Variants in ME3 observed in about 807,000 individuals in gnomAD.
ME3 encodes the protein NADP-dependent malic enzyme, mitochondrial.
Under a neutral mutation model 68.9 loss-of-function variants are expected in ME3, and 48 were observed. That is an observed-to-expected ratio of 0.70 (90% CI 0.55 to 0.89). ME3 has a LOEUF of 0.89. ME3 is among the 40% of genes least tolerant of loss of function. The pLI is 0.00. For synonymous variants in ME3, 320 were observed against 318.8 expected, an observed-to-expected ratio of 1.00 and a Z score of -0.04; for missense variants, 675 against 797.4, an observed-to-expected ratio of 0.85 and a Z score of 1.85.
intron 4 of ME3, among the ~76,000 whole-genome samples, chr11:86,528,001 A>G (rs904537604): frequency 3.3e-5 from 5 of 152,206 alleles, no homozygotes; most frequent in African/African-American, 1.2e-4. Context: ...ATTCACACAT[A>G]ACAATATCAA....
intron 2 of ME3, among the ~76,000 whole-genome samples, chr11:86,631,548 C>T (rs1415895843): frequency 2.0e-5 from 3 of 152,126 alleles, no homozygotes; most frequent in Non-Finnish European, 2.9e-5. Context: ...AAAAAAAATT[C>T]CTTAGCTCCT....
intron 10 of ME3, 142 bp downstream of exon 10, chr11:86,449,747 C>G (rs1226239452): frequency 9.7e-6 from 6 of 616,450 alleles, no homozygotes; most frequent in East Asian, 5.3e-5. Context: ...TGGGATGAAT[C>G]TTTTGCTTTG....
intron 2 of ME3, among the ~76,000 whole-genome samples, chr11:86,646,070 G>T (rs1400205249): frequency 2.0e-5 from 3 of 152,148 alleles, no homozygotes; most frequent in Non-Finnish European, 4.4e-5. Flanking sequence ...AAAGACCAAA[G>T]GTAGACAAAT....
chr11:86,569,380 A>G (rs1488660841), intron 2 of ME3, among the ~76,000 whole-genome samples: 3 of 151,594 alleles, frequency 2.0e-5, no homozygotes, highest in Non-Finnish European at 4.4e-5. Context: ...CCATTCTCTG[A>G]CCCCTTCCTC....
intron 8 of ME3, 90 bp downstream of exon 8, chr11:86,465,001 G>A (rs1950406111): frequency 1.9e-6 from 2 of 1,039,234 alleles, no homozygotes; most frequent in Non-Finnish European, 3.0e-6. Context: ...ACTATGGGGT[G>A]ACAGCCTTTC....
At chr11:86,582,359 C>T (rs1233268311) in intron 2 of ME3, among the ~76,000 whole-genome samples, 1 of 152,236 alleles carries the variant, frequency 6.6e-6, no homozygotes, top group Non-Finnish European at 1.5e-5. Flanking sequence ...AGCACCTTAG[C>T]TGGTGGGTTA....
intron 5 of ME3, among the ~76,000 whole-genome samples, chr11:86,500,651 A>T (rs535456125): frequency 1.3e-3 from 196 of 152,188 alleles, no homozygotes; most frequent in Non-Finnish European, 2.3e-3. Context: ...TCTGAATCCA[A>T]CAGACCTTCT....
chr11:86,571,424 C>T (rs898138575), intron 2 of ME3, among the ~76,000 whole-genome samples: 39 of 152,298 alleles, frequency 2.6e-4, no homozygotes, highest in East Asian at 9.7e-4. Flanking sequence ...CTCACTAGAA[C>T]AGCAACATTA....
At chr11:86,472,760 A>T (rs568580125) in intron 7 of ME3, among the ~76,000 whole-genome samples, 19 of 152,368 alleles carry the variant, frequency 1.2e-4, no homozygotes, top group Admixed American at 4.6e-4. Context: ...ATAGGCACTG[A>T]GTCCTCGGAG....
At chr11:86,521,407 AC>A (rs1279954428) in intron 4 of ME3, among the ~76,000 whole-genome samples, 2,650 of 107,576 alleles carry the variant, frequency 0.025, 118 homozygotes, top group African/African-American at 0.091. Context: ...AAACAAACAA[AC>A]AAAACAAAAC....
intron 2 of ME3, among the ~76,000 whole-genome samples, chr11:86,596,162 A>G (rs932007574): frequency 4.6e-5 from 7 of 152,234 alleles, no homozygotes; most frequent in East Asian, 3.8e-4. Context: ...ATGAAATTAC[A>G]TATTTGAAGG....
At chr11:86,576,269 G>A (rs940678747) in intron 2 of ME3, among the ~76,000 whole-genome samples, 12 of 152,122 alleles carry the variant, frequency 7.9e-5, no homozygotes, top group Admixed American at 7.9e-4. Context: ...GGTGACAGGA[G>A]GTAACTAAAG....
At chr11:86,470,962 C>G (rs552745579) in intron 7 of ME3, among the ~76,000 whole-genome samples, 2 of 136,160 alleles carry the variant, frequency 1.5e-5, no homozygotes, top group East Asian at 3.9e-4. Flanking sequence ...TCATTTTGGC[C>G]CCAGCTCTAT....
chr11:86,604,051 T>A (rs1322600454), intron 2 of ME3, among the ~76,000 whole-genome samples: 1 of 150,864 alleles, frequency 6.6e-6, no homozygotes, highest in Non-Finnish European at 1.5e-5. Flanking sequence ...CATATGTAAG[T>A]AACTGGCACA....
At chr11:86,478,993 G>A (rs972800982) in intron 7 of ME3, among the ~76,000 whole-genome samples, 10 of 152,118 alleles carry the variant, frequency 6.6e-5, no homozygotes, top group Admixed American at 5.2e-4. Flanking sequence ...CAGATAGCTG[G>A]TAAAGCATTA....
chr11:86,609,846 A>G (rs1238570721), intron 2 of ME3, among the ~76,000 whole-genome samples: 1 of 152,230 alleles, frequency 6.6e-6, no homozygotes, highest in Admixed American at 6.5e-5. Context: ...CCAAATGTAT[A>G]AAATGGATAA....
chr11:86,469,996 G>A lies in ME3; in HGVS notation c.810-4796C>T, dbSNP rs1446171753. On this transcript the variant is annotated intron_variant, in intron 7 of 14. Transcript: ENST00000543262. The stretch of plus-strand genomic sequence containing the variant: ...CCAACAGTGCCAGCACCTGCCACCT[G>A]GGATGCATCCTCCCATGGGTAGGAG... Among the ~76,000 whole-genome samples the A allele has an allele frequency of 5.3e-5, 8 of 152,106 alleles. No individual in the cohort carries two copies. The East Asian group carries it at 1.3e-3, about 26-fold the overall frequency.
At position 86,589,616 on chromosome 11, in the gene ME3, T is replaced by C. The variant is rs563351237; in HGVS notation, c.184-29793A>G. On this transcript the variant is annotated intron_variant, in intron 2 of 14. Transcript: ENST00000543262. ...GTCTTAGACATTGGTCTTCCTATTT[T>C]GTATGTTTTAATAAAAGATTCTGTG... Among the ~76,000 whole-genome samples, 9 of 152,336 alleles carry C rather than the reference T, an allele frequency of 5.9e-5. No individual in the cohort carries two copies. The East Asian group carries it at 1.7e-3, about 29-fold the overall frequency.
At chr11:86,474,623 A>G (rs377581779) in intron 7 of ME3, among the ~76,000 whole-genome samples, 3 of 152,194 alleles carry the variant, frequency 2.0e-5, no homozygotes, top group Admixed American at 2.0e-4. Flanking sequence ...TAGATTGTGC[A>G]TATCAGGTTG....
Sources: allele counts gnomAD v4.1 joint callset (sites outside exome capture counted in the v4.1 genomes callset), GRCh38; gene constraint gnomAD v4.1.1; transcripts MANE v1.5; gene names NCBI Gene and HGNC (gene_info 2026-07-23, HGNC 2026-07-21).